B3GALT1: variants seen among roughly 807,000 people sequenced by gnomAD.
B3GALT1 encodes UDP-Gal:betaGlcNAc beta 1,3-galactosyltransferase, polypeptide 1.
In B3GALT1, 10 loss-of-function variants were observed where a neutral mutation model predicts 23.2. That is an observed-to-expected ratio of 0.43 (90% CI 0.27 to 0.73). The LOEUF (loss-of-function observed/expected upper bound fraction) is 0.73. Among genes scored for constraint, B3GALT1 ranks in the 30% least tolerant of loss-of-function variants. The pLI is 0.21. For synonymous variants in B3GALT1, 156 were observed against 141.5 expected, an observed-to-expected ratio of 1.10 and a Z score of -0.73; for missense variants, 299 against 405.4, an observed-to-expected ratio of 0.74 and a Z score of 2.25.
At chr2:167,775,197 G>T (rs1201711886) in intron 3 of B3GALT1, among the ~76,000 whole-genome samples, 1 of 152,150 alleles carries the variant, frequency 6.6e-6, no homozygotes, top group Admixed American at 6.5e-5. Flanking sequence ...CTAGCTAAAT[G>T]TTCACAACAT....
intron 2 of B3GALT1, among the ~76,000 whole-genome samples, chr2:167,631,112 TAAATA>T (rs1191427078): frequency 6.6e-6 from 1 of 151,946 alleles, no homozygotes; most frequent in African/African-American, 2.4e-5. Flanking sequence ...TTTTAATGTT[TAAATA>T]AAAGTCACAA....
intron 3 of B3GALT1, chr2:167,714,537 T>C: frequency 6.2e-7 from 1 of 1,612,894 alleles, no homozygotes. Context: ...CCAAATGTTG[T>C]ATTTGAAACA....
At chr2:167,649,768 C>T (rs1413169039) in intron 3 of B3GALT1, among the ~76,000 whole-genome samples, 1 of 151,860 alleles carries the variant, frequency 6.6e-6, no homozygotes, top group Non-Finnish European at 1.5e-5. Context: ...ATCTTGTGTC[C>T]TACAAGTTTA....
intron 4 of B3GALT1, among the ~76,000 whole-genome samples, chr2:167,864,460 C>T (rs1010076945): frequency 6.6e-6 from 1 of 152,116 alleles, no homozygotes; most frequent in Non-Finnish European, 1.5e-5. Flanking sequence ...GCTACTGGGG[C>T]AGCTGAGGCA....
At chr2:167,468,071 T>G (rs1241361150) in intron 1 of B3GALT1, among the ~76,000 whole-genome samples, 4 of 152,106 alleles carry the variant, frequency 2.6e-5, no homozygotes, top group Non-Finnish European at 5.9e-5. Context: ...AGTAGGAGTC[T>G]CCAAGGGCCA....
intron 2 of B3GALT1, among the ~76,000 whole-genome samples, chr2:167,497,425 G>A (rs901981352): frequency 4.6e-5 from 7 of 152,150 alleles, no homozygotes; most frequent in Non-Finnish European, 1.0e-4. Flanking sequence ...CTCAGCAAAA[G>A]CCACATTTTA....
chr2:167,749,393 T>A (rs1687699219), intron 3 of B3GALT1, among the ~76,000 whole-genome samples: 1 of 152,180 alleles, frequency 6.6e-6, no homozygotes, highest in African/African-American at 2.4e-5. Flanking sequence ...TTTTCACCTC[T>A]CAATATAGAC....
chr2:167,447,868 C>G (rs747685389), intron 1 of B3GALT1, among the ~76,000 whole-genome samples: 2 of 152,132 alleles, frequency 1.3e-5, no homozygotes, highest in Non-Finnish European at 2.9e-5. Context: ...CATCCACTGT[C>G]TGACAAGCCC....
intron 3 of B3GALT1, among the ~76,000 whole-genome samples, chr2:167,654,449 C>T (rs183214808): frequency 7.2e-4 from 110 of 152,218 alleles, no homozygotes; most frequent in Non-Finnish European, 1.1e-3. Flanking sequence ...TGAAAGTCTG[C>T]GTCAGAATGT....
chr2:167,398,909 G>T (rs1227564421), intron 1 of B3GALT1, among the ~76,000 whole-genome samples: 2 of 152,090 alleles, frequency 1.3e-5, no homozygotes, highest in South Asian at 2.1e-4. Context: ...TAGGGATCTC[G>T]GTTCTGATGC....
intron 2 of B3GALT1, among the ~76,000 whole-genome samples, chr2:167,542,937 T>C (rs1683557580): frequency 6.6e-6 from 1 of 152,092 alleles, no homozygotes; most frequent in Non-Finnish European, 1.5e-5. Context: ...CATTTTGAAG[T>C]GTGAGCTTAA....
At chr2:167,540,507 C>T (rs1419016780) in intron 2 of B3GALT1, among the ~76,000 whole-genome samples, 2 of 152,194 alleles carry the variant, frequency 1.3e-5, no homozygotes, top group African/African-American at 4.8e-5. Flanking sequence ...CTGATACTCA[C>T]TGGTTTTCTT....
chr2:167,384,149 TGTG>T (rs1209598375), intron 1 of B3GALT1, among the ~76,000 whole-genome samples: 1 of 152,216 alleles, frequency 6.6e-6, no homozygotes, highest in African/African-American at 2.4e-5. Flanking sequence ...GTGGATGAGA[TGTG>T]GTGCATCTTG....
chr2:167,448,733 G>C (rs533093607), intron 1 of B3GALT1, among the ~76,000 whole-genome samples: 2 of 152,262 alleles, frequency 1.3e-5, no homozygotes, highest in Non-Finnish European at 1.5e-5. Context: ...TATGGTTTCA[G>C]GTCTTAGATT....
At chr2:167,542,121 C>T (rs184155178) in intron 2 of B3GALT1, among the ~76,000 whole-genome samples, 415 of 151,160 alleles carry the variant, frequency 2.7e-3, no homozygotes, top group Admixed American at 6.3e-3. Context: ...TGAATCCCAT[C>T]ACATATTTTA....
intron 3 of B3GALT1, among the ~76,000 whole-genome samples, chr2:167,679,152 T>C (rs933347579): frequency 1.3e-5 from 2 of 150,778 alleles, no homozygotes; most frequent in Admixed American, 6.6e-5. Flanking sequence ...GTTTCACTCT[T>C]GTCACCCAGG....
At chr2:167,747,451 TAGAC>T (rs1429965696) in intron 3 of B3GALT1, among the ~76,000 whole-genome samples, 3 of 152,138 alleles carry the variant, frequency 2.0e-5, no homozygotes, top group African/African-American at 4.8e-5. Flanking sequence ...TAAGAAAAAT[TAGAC>T]AGATACAGCT....
chr2:167,562,649 CTT>C (rs60455696), intron 2 of B3GALT1, among the ~76,000 whole-genome samples: 18 of 138,820 alleles, frequency 1.3e-4, no homozygotes, highest in Admixed American at 2.1e-4. Flanking sequence ...CACAAGCATT[CTT>C]TTTTTTTTTT....
intron 3 of B3GALT1, among the ~76,000 whole-genome samples, chr2:167,667,399 C>A (rs576792050): frequency 0.029 from 4,455 of 152,112 alleles, 207 homozygotes; most frequent in African/African-American, 0.1. Flanking sequence ...TCCTTCATTT[C>A]AACTTTGGTG....
Sources: allele counts gnomAD v4.1 joint callset (sites outside exome capture counted in the v4.1 genomes callset), GRCh38; gene constraint gnomAD v4.1.1; transcripts MANE v1.5; gene names NCBI Gene and HGNC (gene_info 2026-07-23, HGNC 2026-07-21).